Variants in TENM2 observed in about 807,000 individuals in gnomAD.
TENM2 encodes teneurin transmembrane protein 2.
A neutral mutation model predicts 245.2 loss-of-function variants in TENM2; 52 were observed. The observed-to-expected ratio is 0.21, with a 90% confidence interval of 0.17 to 0.27. The LOEUF (loss-of-function observed/expected upper bound fraction) is 0.27. Ranked by LOEUF, TENM2 falls within the 10% of genes least tolerant of loss-of-function variation. The pLI is 1.00. For synonymous variants in TENM2, 1,363 were observed against 1,438.9 expected, an observed-to-expected ratio of 0.95 and a Z score of 1.19; for missense variants, 3,046 against 3,666.8, an observed-to-expected ratio of 0.83 and a Z score of 4.37.
At chr5:167,898,488 T>C (rs1389911773) in intron 3 of TENM2, among the ~76,000 whole-genome samples, 1 of 152,168 alleles carries the variant, frequency 6.6e-6, no homozygotes, top group Non-Finnish European at 1.5e-5. Flanking sequence ...AATGCCGGGA[T>C]GCCAACCCAG....
At chr5:167,686,552 C>T (rs1315140906) in intron 2 of TENM2, among the ~76,000 whole-genome samples, 2 of 152,112 alleles carry the variant, frequency 1.3e-5, no homozygotes, top group Admixed American at 6.5e-5. Context: ...AATAGAAAGG[C>T]AGGTAGGGCT....
At chr5:168,253,007 C>T (rs1036956985) in intron 27 of TENM2, among the ~76,000 whole-genome samples, 1 of 152,040 alleles carries the variant, frequency 6.6e-6, no homozygotes, top group Non-Finnish European at 1.5e-5. Flanking sequence ...TGCTCTGTCG[C>T]CCAGGCTGGA....
chr5:167,039,628 G>T, the TENM2 span, among the ~76,000 whole-genome samples: 45 of 151,762 alleles, frequency 3.0e-4, no homozygotes, highest in African/African-American at 1.1e-3. Flanking sequence ...AAAAAATGTT[G>T]CAGTGACATC....
intron 2 of TENM2, among the ~76,000 whole-genome samples, chr5:167,536,315 G>A (rs990825378): frequency 2.6e-5 from 4 of 152,028 alleles, no homozygotes; most frequent in African/African-American, 9.7e-5. Flanking sequence ...GGTGTACTAA[G>A]CTATTTAGAA....
chr5:168,115,408 G>GAAA (rs1794999629), intron 9 of TENM2, among the ~76,000 whole-genome samples: 1 of 122,874 alleles, frequency 8.1e-6, no homozygotes, highest in African/African-American at 3.2e-5. Flanking sequence ...AAGGAAGGAA[G>GAAA]GGAAAGGAAA....
chr5:167,084,364 T>TATATATATATATATATATATATAC, the TENM2 span, among the ~76,000 whole-genome samples: 1 of 111,152 alleles, frequency 9.0e-6, no homozygotes, highest in Non-Finnish European at 2.0e-5. Context: ...TATATATATA[T>TATATATATATATATATATATATAC]ATACAGATCA....
chr5:167,623,592 A>G (rs1213117545), intron 2 of TENM2, among the ~76,000 whole-genome samples: 1 of 152,086 alleles, frequency 6.6e-6, no homozygotes, highest in African/African-American at 2.4e-5. Context: ...GCTCCCCACT[A>G]TGTACAACTA....
chr5:167,261,396 T>A, the TENM2 span, among the ~76,000 whole-genome samples: 1 of 152,152 alleles, frequency 6.6e-6, no homozygotes, highest in Non-Finnish European at 1.5e-5. Flanking sequence ...TATCACTGTT[T>A]TCAGAATTCC....
chr5:168,221,703 C>CCTGGTCTTG (rs1763685610), intron 23 of TENM2, among the ~76,000 whole-genome samples: 1 of 152,164 alleles, frequency 6.6e-6, no homozygotes, highest in Non-Finnish European at 1.5e-5. Context: ...TAAGATTTCC[C>CCTGGTCTTG]CAGATGCAGG....
intron 2 of TENM2, among the ~76,000 whole-genome samples, chr5:167,539,011 G>A (rs757071363): frequency 5.9e-5 from 9 of 152,086 alleles, no homozygotes; most frequent in South Asian, 2.1e-4. Flanking sequence ...TAATCTCATC[G>A]TCATTATGTT....
chr5:167,069,367 A>G, the TENM2 span, among the ~76,000 whole-genome samples: 7 of 152,306 alleles, frequency 4.6e-5, no homozygotes, highest in South Asian at 1.5e-3. Flanking sequence ...GTTCATCTAA[A>G]TGATGCAAAT....
chr5:168,037,931 C>T (rs1385718789), intron 5 of TENM2, among the ~76,000 whole-genome samples: 2 of 152,304 alleles, frequency 1.3e-5, no homozygotes, highest in East Asian at 3.9e-4. Context: ...TAATGTGACA[C>T]AGAAAAGGAA....
At chr5:167,894,554 C>T (rs1775019357) in intron 3 of TENM2, among the ~76,000 whole-genome samples, 1 of 152,062 alleles carries the variant, frequency 6.6e-6, no homozygotes, top group Non-Finnish European at 1.5e-5. Context: ...AGAATCTTTC[C>T]CCCTATCTTT....
At chr5:168,250,857 A>G (rs1164239866) in intron 27 of TENM2, among the ~76,000 whole-genome samples, 1 of 152,268 alleles carries the variant, frequency 6.6e-6, no homozygotes, top group Non-Finnish European at 1.5e-5. Flanking sequence ...GTCTCAAGAA[A>G]ACACACATAT....
the TENM2 span, among the ~76,000 whole-genome samples, chr5:167,014,605 A>C: frequency 6.6e-6 from 1 of 152,228 alleles, no homozygotes; most frequent in South Asian, 2.1e-4. Context: ...TAACTAGCAG[A>C]ACCCTGTTGC....
At chr5:168,046,873 G>T (rs542847524) in intron 5 of TENM2, among the ~76,000 whole-genome samples, 2 of 152,278 alleles carry the variant, frequency 1.3e-5, no homozygotes, top group East Asian at 3.9e-4. Flanking sequence ...GAAATAGTTA[G>T]GGAGGTGGGC....
chr5:167,896,876 A>T (rs1220181850), intron 3 of TENM2, among the ~76,000 whole-genome samples: 1 of 152,232 alleles, frequency 6.6e-6, no homozygotes, highest in Non-Finnish European at 1.5e-5. Flanking sequence ...TTGCCTTTAG[A>T]ATCACGCTTG....
chr5:168,262,267 C>G (rs1355351149), exon 29 of TENM2: 1 of 1,607,794 alleles, frequency 6.2e-7, no homozygotes, highest in African/African-American at 1.3e-5. Context: ...AAGATAGCCG[C>G]AAGGTGGCAT....
chr5:167,793,834 A>T (rs1765142134), intron 2 of TENM2, among the ~76,000 whole-genome samples: 1 of 151,946 alleles, frequency 6.6e-6, no homozygotes, highest in Non-Finnish European at 1.5e-5. Context: ...TGTCTAAAAA[A>T]AAAAAAGAAA....
Sources: gnomAD v4.1 joint callset for allele counts (sites outside exome capture counted in the v4.1 genomes callset) on GRCh38, gnomAD v4.1.1 for gene constraint, MANE v1.5 for transcripts, NCBI Gene and HGNC (gene_info 2026-07-23, HGNC 2026-07-21) for gene names.